The following CYLD variants were observed in gnomAD, a reference collection of about 807,000 sequenced individuals.
CYLD encodes CYLD lysine 63 deubiquitinase, also known as ubiquitin carboxyl-terminal hydrolase CYLD.
Under a neutral mutation model 104.5 loss-of-function variants are expected in CYLD, and 26 were observed. That is an observed-to-expected ratio of 0.25 (90% CI 0.18 to 0.35). The LOEUF is 0.35. Among genes scored for constraint, CYLD ranks in the 10% least tolerant of loss-of-function variants. The pLI is 1.00. For missense variants in CYLD, 703 were observed against 1,136.1 expected (o/e 0.62, Z 5.48); for synonymous variants, 385 against 399.9 (o/e 0.96, Z 0.45).
rs555350316 is a variant in CYLD at position 50,754,961 on chromosome 16, A to G, written c.913+537A>G. Among the ~76,000 whole-genome samples, 78 of 145,638 alleles carry G rather than the reference A, an allele frequency of 5.4e-4. 1 individual carries two copies. Among genetic ancestry groups the G allele is most frequent in the African/African-American group, 1.9e-3 (74 of 39,544 alleles). ...TGTATATATACACACATATATACAT[A>G]TACACACATATATGTATACATATAT... On this transcript the variant is annotated intron_variant, in intron 5 of 18. Coordinates refer to ENST00000427738, the MANE Select transcript of CYLD (RefSeq NM_001378743.1).
intron 5 of CYLD, among the ~76,000 whole-genome samples, chr16:50,758,568 T>C (rs1967538501): frequency 6.6e-6 from 1 of 152,180 alleles, no homozygotes; most frequent in Non-Finnish European, 1.5e-5. Context: ...GTTGTAGTTA[T>C]CCACGTGAGA....
Position 50,792,718 on chromosome 16 carries a change from T to G in CYLD, c.2350+13T>G. The stretch of plus-strand genomic sequence containing the variant: ...TTACTTGAAGACAGTAAGTATGAGA[T>G]TTTTTTAGTTTGTTTTGTTGGTTTT... On this transcript the variant is annotated intron_variant, in intron 16 of 18. Coordinates refer to ENST00000427738, the MANE Select transcript of CYLD (RefSeq NM_001378743.1). The G allele has an allele frequency of 7.6e-7, 1 of 1,324,028 alleles. No individual in the cohort carries two copies. The highest frequency in any genetic ancestry group is 1.8e-5 in the Admixed American group (1 of 55,218). The allele number at this position is 1,324,028 out of a possible 1,614,324, so 82.0% of individuals were successfully genotyped here.
chr16:50,794,376 T>C lies in CYLD; in HGVS notation c.2634T>C (p.Tyr878=), dbSNP rs1971762957. 5 of 1,614,034 alleles carry C rather than the reference T, an allele frequency of 3.1e-6. No homozygotes were observed. The highest frequency in any genetic ancestry group is 4.2e-6 in the Non-Finnish European group (5 of 1,180,026). The change falls in exon 18 of 19, where the codon TAT becomes TAC. Residue 878 remains tyrosine, a synonymous_variant. Transcript: ENST00000427738. This position sits in a 1 kb window ranked among gnomAD's most constrained non-coding sequence, Gnocchi z 4.1. ...GCCACTATGTTGCTTTTGTGAAGTA[T>C]GGGAAGGACGATTCTGCCTGGCTCT... The part of the protein sequence containing the change: ...ETSHYVAFVK[Y]GKDDSAWLFF...
At chr16:50,758,735 C>T (rs11862710) in intron 5 of CYLD, among the ~76,000 whole-genome samples, 2,657 of 152,194 alleles carry the variant, frequency 0.017, 81 homozygotes, top group African/African-American at 0.061. Context: ...GACTGAGCAA[C>T]TGGTAGGCTG....
intron 5 of CYLD, among the ~76,000 whole-genome samples, chr16:50,771,333 A>G (rs904522059): frequency 4.0e-5 from 6 of 149,472 alleles, no homozygotes; most frequent in African/African-American, 1.5e-4. Context: ...TGATAGCAAA[A>G]TCAGTACTCT....
rs368698335 is a variant in CYLD, at chr16:50,800,101, C to T, written c.*3593C>T. 52 of 233,130 alleles carry T rather than the reference C, an allele frequency of 2.2e-4. No homozygotes were observed. The highest frequency in any genetic ancestry group is 1.1e-3 in the African/African-American group (48 of 45,426). 14.4% of individuals were successfully genotyped at this position (233,130 alleles called of 1,614,324 possible). On this transcript the variant is annotated 3_prime_UTR_variant, in exon 19 of 19. Coordinates refer to ENST00000427738, the MANE Select transcript of CYLD (RefSeq NM_001378743.1). ...ACCTGCATTCTAGCCCTGTTTCTGTCACTTGCTCTGTACACTTAGACAACA... is the reference window on the plus strand; with the variant it reads ...ACCTGCATTCTAGCCCTGTTTCTGTTACTTGCTCTGTACACTTAGACAACA...
chr16:50,773,904 G>A (rs1597035772), intron 5 of CYLD, among the ~76,000 whole-genome samples: 1 of 152,134 alleles, frequency 6.6e-6, no homozygotes, highest in Non-Finnish European at 1.5e-5. Flanking sequence ...CTCTCAGACA[G>A]CCTTTGACAG....
chr16:50,777,240 G>A (rs1320336981), intron 7 of CYLD, among the ~76,000 whole-genome samples: 1 of 152,148 alleles, frequency 6.6e-6, no homozygotes, highest in African/African-American at 2.4e-5. Flanking sequence ...GCAGGGTAAT[G>A]TCATGAAATG....
intron 14 of CYLD, among the ~76,000 whole-genome samples, chr16:50,790,006 C>T (rs1020079410): frequency 1.3e-5 from 2 of 152,038 alleles, no homozygotes; most frequent in African/African-American, 4.8e-5. Context: ...AGTTAGAAAA[C>T]AAGAAAGAGA....
intron 3 of CYLD, among the ~76,000 whole-genome samples, chr16:50,751,002 A>G (rs1375377224): frequency 6.6e-6 from 1 of 152,218 alleles, no homozygotes; most frequent in Non-Finnish European, 1.5e-5. Context: ...TGAAATGCCA[A>G]TTACATTTTG....
chr16:50,787,949 A>G (rs887304063), intron 14 of CYLD, 97 bp downstream of exon 14: 5 of 764,722 alleles, frequency 6.5e-6, no homozygotes, highest in African/African-American at 5.3e-5. Flanking sequence ...TGATTTCTTA[A>G]TATTGTATTT....
Position 50,749,788 on chromosome 16 carries a change from T to C in CYLD, c.90T>C (p.Val30=), listed in dbSNP as rs756466009. ...ACTTGCTTCTTCAAGAATGCAGCGTTACAGACAAACAAACACAAAAGCTCC... is the reference window on the plus strand; with the variant it reads ...ACTTGCTTCTTCAAGAATGCAGCGTCACAGACAAACAAACACAAAAGCTCC... The part of the protein sequence containing the change: ...IFYLLLQECS[V]TDKQTQKLLK... Residue 30 remains valine (V), a synonymous_variant, in exon 3 of 19, where the codon GTT becomes GTC. Coordinates refer to ENST00000427738, the MANE Select transcript of CYLD (RefSeq NM_001378743.1). 17 of 1,614,008 alleles carry C rather than the reference T, an allele frequency of 1.1e-5. No individual in the cohort carries two copies. The South Asian group carries it at 1.8e-4, about 17-fold the overall frequency.
rs1396213268 is a variant in CYLD at position 50,755,080 on chromosome 16, TAC to T, written c.913+662_913+663del. Among the ~76,000 whole-genome samples the T allele has an allele frequency of 7.0e-5, 8 of 114,272 alleles. No homozygotes were observed. In the East Asian group the frequency reaches 8.4e-4, roughly 12 times the overall value. The allele number at this position is 114,272 out of a possible 152,430, so 75.0% of individuals were successfully genotyped here. ...ATATACATATAGATATGTATACATA[TAC>T]ACACATATATACATACATATATACA... On this transcript the variant is annotated intron_variant, in intron 5 of 18. Coordinates refer to ENST00000427738, the MANE Select transcript of CYLD (RefSeq NM_001378743.1).
intron 11 of CYLD, chr16:50,783,876 A>G (rs1467135040): frequency 5.5e-6 from 1 of 180,948 alleles, no homozygotes. Flanking sequence ...ATTTAAAGAA[A>G]TTTATTAATG....
At chr16:50,757,972 C>A (rs1362894415) in intron 5 of CYLD, among the ~76,000 whole-genome samples, 6 of 151,984 alleles carry the variant, frequency 3.9e-5, no homozygotes, top group Non-Finnish European at 8.8e-5. Context: ...ATTATTAAGC[C>A]CTTACCTAGA....
At chr16:50,754,875 G>GTATA (rs144931752) in intron 5 of CYLD, among the ~76,000 whole-genome samples, 1,479 of 147,260 alleles carry the variant, frequency 0.01, 22 homozygotes, top group African/African-American at 0.033. Context: ...ACACACATAT[G>GTATA]TATATATATA....
intron 5 of CYLD, among the ~76,000 whole-genome samples, chr16:50,764,837 C>T (rs1425917586): frequency 6.6e-6 from 1 of 152,128 alleles, no homozygotes; most frequent in Non-Finnish European, 1.5e-5. Context: ...CAGGGCAGCC[C>T]TACACAACAC....
At chr16:50,766,765 GT>G (rs1968569771) in intron 5 of CYLD, among the ~76,000 whole-genome samples, 1 of 152,186 alleles carries the variant, frequency 6.6e-6, no homozygotes, top group Non-Finnish European at 1.5e-5. Context: ...TGTAGATGTG[GT>G]GGAAGTAGCA....
At chr16:50,750,228 G>A in intron 3 of CYLD, 26 bp downstream of exon 3, 1 of 1,612,582 alleles carries the variant, frequency 6.2e-7, no homozygotes, top group South Asian at 1.1e-5. Context: ...CATTTTAGTA[G>A]TGTGTTTGTT....
Sources: allele counts gnomAD v4.1 joint callset (sites outside exome capture counted in the v4.1 genomes callset), GRCh38; gene constraint gnomAD v4.1.1; non-coding constraint Gnocchi (gnomAD v3.1); transcripts MANE v1.5; gene names NCBI Gene and HGNC (gene_info 2026-07-23, HGNC 2026-07-21).